The following DPEP2 variants were observed in gnomAD, a reference collection of about 807,000 sequenced individuals.
The protein encoded by DPEP2 is dipeptidase 2.
A neutral mutation model predicts 51.8 loss-of-function variants in DPEP2; 45 were observed. The ratio of observed to expected loss-of-function variants is 0.87; its 90% confidence interval spans 0.68 to 1.11. DPEP2 has a LOEUF of 1.11. Among genes scored for constraint, DPEP2 ranks in the 50% most tolerant of loss-of-function variants. The pLI is 0.00. For synonymous variants in DPEP2, 255 were observed against 262.7 expected (o/e 0.97, Z 0.28); for missense variants, 604 against 631.9 (o/e 0.96, Z 0.47).
intron 1 of DPEP2, among the ~76,000 whole-genome samples, chr16:67,998,912 C>G (rs1302781593): frequency 6.6e-6 from 1 of 152,062 alleles, no homozygotes; most frequent in Non-Finnish European, 1.5e-5. Flanking sequence ...ACGTGGAGAA[C>G]CTTTGTGTCT....
rs1210352770 is a variant in DPEP2 at position 67,987,841 on chromosome 16, G to C, written c.1206+11C>G. On this transcript the variant is annotated intron_variant, in intron 10 of 10. Transcript: ENST00000393847. Reference sequence around the variant, plus strand: ...GACCCCTCGGCTACTCTCTTGCCCAGCCCAGAGTACCTTTTCCACTTGTCT... The same window carrying C: ...GACCCCTCGGCTACTCTCTTGCCCACCCCAGAGTACCTTTTCCACTTGTCT... The C allele has an allele frequency of 6.2e-7, 1 of 1,614,048 alleles. No homozygotes were observed. The highest frequency in any genetic ancestry group is 8.5e-7 in the Non-Finnish European group (1 of 1,180,042).
chr16:67,988,561 C>G (rs1275470698), intron 9 of DPEP2, among the ~76,000 whole-genome samples: 3 of 151,422 alleles, frequency 2.0e-5, no homozygotes, highest in African/African-American at 7.3e-5. Flanking sequence ...CGAGATTGTG[C>G]CACTGCACTC....
At position 67,993,093 on chromosome 16, in the gene DPEP2, G is replaced by T. The variant is rs550642487; in HGVS notation, c.120C>A (p.Pro40=). Residue 40 remains proline, a synonymous_variant, in exon 2 of 11, where the codon CCC becomes CCA. Coordinates refer to ENST00000393847, the MANE Select transcript of DPEP2 (RefSeq NM_022355.4). ...VTCAYTTPGP[P]RALTTLGAPR... ...GGGCGCCCAGCGTGGTGAGGGCTCT[G>T]GGGGGGCCTGGCGTGGTGTAGGCAC... 5.7e-6 allele frequency: 9 copies of T among 1,566,998 alleles called. No homozygotes were observed. Among genetic ancestry groups the T allele is most frequent in the East Asian group, 2.4e-5 (1 of 42,410 alleles).
At position 67,991,231 on chromosome 16, in the gene DPEP2, C is replaced by A; in HGVS notation, c.663-47G>T. 6.2e-7 allele frequency: 1 copy of A among 1,601,230 alleles called. No homozygotes were observed. The highest frequency in any genetic ancestry group is 8.5e-7 in the Non-Finnish European group (1 of 1,172,176). On this transcript the variant is annotated intron_variant, in intron 5 of 10. Coordinates refer to ENST00000393847, the MANE Select transcript of DPEP2 (RefSeq NM_022355.4). This position sits in a 1 kb window ranked among gnomAD's most constrained non-coding sequence, Gnocchi z 5.1. ...GTCTGACTGGTAGCTGTTCCTCGGC[C>A]TCAAGAGTCTAGAGGCCCTACCCAC...
chr16:67,990,105 C>T lies in DPEP2; in HGVS notation c.936G>A (p.Val312=). The change falls in exon 8 of 11, where the codon GTG becomes GTA. Residue 312 remains valine, a synonymous_variant. Transcript: ENST00000393847. Reference sequence around the variant, plus strand: ...ACTGTATTACTCCCATGGACAAAGACACCATCACGACGCCACCGTTCTTCT... The same window carrying T: ...ACTGTATTACTCCCATGGACAAAGATACCATCACGACGCCACCGTTCTTCT... ...LLKKNGGVVM[V]SLSMGVIQCN... is the part of the protein sequence containing the mutation. 6.2e-7 allele frequency: 1 copy of T among 1,614,132 alleles called. No homozygotes were observed.
chr16:67,992,380 T>C (rs1210950601), intron 3 of DPEP2, 130 bp downstream of exon 3: 18 of 1,469,026 alleles, frequency 1.2e-5, no homozygotes, highest in African/African-American at 1.4e-5. Context: ...CCAGCATCCA[T>C]ATCATGACAC....
intron 1 of DPEP2, among the ~76,000 whole-genome samples, chr16:67,998,564 C>T (rs2032841705): frequency 6.6e-6 from 1 of 152,246 alleles, no homozygotes; most frequent in Non-Finnish European, 1.5e-5. Flanking sequence ...TCCACAGCGC[C>T]CAGTCCCATC....
rs543813120 is a variant in DPEP2 at position 67,993,205 on chromosome 16, G to A, written c.8C>T (p.Pro3Leu). 4 of 1,468,724 alleles carry A rather than the reference G, an allele frequency of 2.7e-6. No homozygotes were observed. The Admixed American group carries it at 1.0e-4, about 38-fold the overall frequency. 91.0% of individuals were successfully genotyped at this position (1,468,724 alleles called of 1,614,324 possible). The change falls in exon 2 of 11, where the codon CCC becomes CTC. Residue 3 changes from proline (P) to leucine (L), a missense_variant. Physicochemically the swap from Pro to Leu is moderately conservative, Grantham distance 98 (BLOSUM62 -3). Coordinates refer to ENST00000393847, the MANE Select transcript of DPEP2 (RefSeq NM_022355.4). ...CGTGCCGGGACCCTCGAGGCCGGAGGGCTGCATGTTGTGCAGGGCCGGGCA... is the reference window on the plus strand; with the variant it reads ...CGTGCCGGGACCCTCGAGGCCGGAGAGCTGCATGTTGTGCAGGGCCGGGCA... MQ[P>L]SGLEGPGTFG... is the part of the protein sequence containing the mutation.
intron 1 of DPEP2, chr16:67,994,553 C>T (rs1044017252): frequency 1.0e-6 from 1 of 985,380 alleles, no homozygotes; most frequent in African/African-American, 1.7e-5. Context: ...TTTGCCTCCT[C>T]CTGCCCCTCA....
In DPEP2 at chr16:67,992,060, C is replaced by G. The variant is rs991989397; in HGVS notation, c.520+4G>C. ...TTCCTAACGCTTCCCATCAACTTGCCTACCTTTAGCCGAGGTCACAAGCTC... is the reference window on the plus strand; with the variant it reads ...TTCCTAACGCTTCCCATCAACTTGCGTACCTTTAGCCGAGGTCACAAGCTC... On this transcript the variant is annotated splice_donor_region_variant and intron_variant, in intron 4 of 10. Coordinates refer to ENST00000393847, the MANE Select transcript of DPEP2 (RefSeq NM_022355.4). The G allele has an allele frequency of 3.7e-6, 6 of 1,613,984 alleles. No homozygotes were observed. Among genetic ancestry groups the G allele is most frequent in the Non-Finnish European group, 5.1e-6 (6 of 1,179,998 alleles).
Position 67,988,962 on chromosome 16 carries a change from AAGG to A in DPEP2, c.1070+358_1070+360del, listed in dbSNP as rs553648003. On this transcript the variant is annotated intron_variant, in intron 9 of 10. Transcript: ENST00000393847. ...GAAGGAGGAGGAGGAGACAAAGAAG[AAGG>A]AGGACGAGGAAGAAAAGGAGAAGGA... 2.4e-4 allele frequency among the ~76,000 whole-genome samples: 36 copies of A among 152,160 alleles called. No homozygotes were observed. The South Asian group carries it at 5.4e-3, about 23-fold the overall frequency.
At chr16:67,995,042 A>G (rs2032606524) in intron 1 of DPEP2, 1 of 276,752 alleles carries the variant, frequency 3.6e-6, no homozygotes, top group Non-Finnish European at 5.5e-6. Context: ...CTGGGACTAC[A>G]GGCATGCGCC....
intron 7 of DPEP2, among the ~76,000 whole-genome samples, chr16:67,990,431 A>G (rs1026751378): frequency 1.3e-5 from 2 of 152,056 alleles, no homozygotes; most frequent in African/African-American, 4.8e-5. Flanking sequence ...GAAGAAGTGG[A>G]GGGAGCAGGG....
At chr16:67,993,380 G>A (rs2032436228) in intron 1 of DPEP2, 123 bp from the exon 2 acceptor site, 1 of 1,299,690 alleles carries the variant, frequency 7.7e-7, no homozygotes, top group Non-Finnish European at 9.8e-7. Context: ...AGGATGTGCG[G>A]AGAGCGGCGG....
chr16:67,994,223 G>C, intron 1 of DPEP2: 1 of 985,500 alleles, frequency 1.0e-6, no homozygotes, highest in Non-Finnish European at 1.2e-6. Context: ...AGGAAGCCCC[G>C]GCCTCGTCCA....
Position 67,990,084 on chromosome 16 carries a change from T to G in DPEP2, c.957A>C (p.Ile319=). The change falls in exon 8 of 11, where the codon ATA becomes ATC. Residue 319 remains isoleucine (I), a synonymous_variant. Coordinates refer to ENST00000393847, the MANE Select transcript of DPEP2 (RefSeq NM_022355.4). ...ACACATTGGCTGATGGGTTGCACTGTATTACTCCCATGGACAAAGACACCA... is the reference window on the plus strand; with the variant it reads ...ACACATTGGCTGATGGGTTGCACTGGATTACTCCCATGGACAAAGACACCA... The part of the protein sequence containing the change: ...VVMVSLSMGV[I]QCNPSANVST... 6.2e-7 allele frequency: 1 copy of G among 1,614,158 alleles called. No homozygotes were observed. The highest frequency in any genetic ancestry group is 1.3e-5 in the African/African-American group (1 of 75,038).
At chr16:67,989,480 CCTT>C (rs1345869902) in intron 8 of DPEP2, 82 bp from the exon 9 acceptor site, 5 of 1,438,620 alleles carry the variant, frequency 3.5e-6, no homozygotes, top group Admixed American at 3.4e-5. Flanking sequence ...CACTGAGTCT[CCTT>C]CTTGCAGCCT....
Position 67,993,153 on chromosome 16 carries a change from CA to C in DPEP2, c.59del (p.Leu20ArgfsTer11), listed in dbSNP as rs1567450564. ...GCTGGAGCAGCAGCAGCAGGAGCAGCAGACTCAGCAGAGGCCACCGACCAAA... is the reference window on the plus strand; with the variant it reads ...GCTGGAGCAGCAGCAGCAGGAGCAGCGACTCAGCAGAGGCCACCGACCAAA... ...GTFGRWPLLS[L>X]LLLLLLLQPV... On this transcript the variant is annotated frameshift_variant, in exon 2 of 11. Coordinates refer to ENST00000393847, the MANE Select transcript of DPEP2 (RefSeq NM_022355.4). LOFTEE classifies it high-confidence loss of function. The C allele has an allele frequency of 6.5e-7, 1 of 1,526,822 alleles. No individual in the cohort carries two copies. 94.6% of individuals were successfully genotyped at this position (1,526,822 alleles called of 1,614,324 possible).
Position 67,992,162 on chromosome 16 carries a change from T to C in DPEP2, c.422A>G (p.Gln141Arg), listed in dbSNP as rs762684170. 1.2e-6 allele frequency: 2 copies of C among 1,614,160 alleles called. No individual in the cohort carries two copies. Among genetic ancestry groups the C allele is most frequent in the Non-Finnish European group, 1.7e-6 (2 of 1,180,018 alleles). Residue 141 changes from glutamine to arginine, a missense_variant, in exon 4 of 11, where the codon CAG (glutamine) becomes CGG (arginine). Gln to Arg is a conservative substitution (Grantham distance 43). Coordinates refer to ENST00000393847, the MANE Select transcript of DPEP2 (RefSeq NM_022355.4). ...GGTGAGGCGCAGGGCATCCCGGTCC[T>C]GGGTCTGGCATGGCACATAGGCTGA... ...FWSAYVPCQT[Q>R]DRDALRLTLE...
Sources: gnomAD v4.1 joint callset for allele counts (sites outside exome capture counted in the v4.1 genomes callset) on GRCh38, gnomAD v4.1.1 for gene constraint, Gnocchi (gnomAD v3.1) non-coding constraint, MANE v1.5 for transcripts, NCBI Gene and HGNC (gene_info 2026-07-23, HGNC 2026-07-21) for gene names.